The following TRPM4 variants were observed in gnomAD, a reference collection of about 807,000 sequenced individuals.
The protein encoded by TRPM4 is transient receptor potential cation channel subfamily M member 4.
In TRPM4, 124 loss-of-function variants were observed where a neutral mutation model predicts 135.6. The ratio of observed to expected loss-of-function variants is 0.91; its 90% confidence interval spans 0.79 to 1.06. The LOEUF is 1.06. TRPM4 is among the 50% of genes least tolerant of loss of function. The pLI is 0.00. For synonymous variants in TRPM4, 745 were observed against 705.6 expected (o/e 1.06, Z -0.88); for missense variants, 1,658 against 1,671.4 (o/e 0.99, Z 0.14).
At chr19:49,200,882 G>C (rs1968904820) in intron 19 of TRPM4, 97 bp downstream of exon 19, 2 of 1,343,938 alleles carry the variant, frequency 1.5e-6, no homozygotes, top group Non-Finnish European at 2.1e-6. Flanking sequence ...CTGTCTCTCT[G>C]AGTCTCTGTC....
At chr19:49,193,284 T>C (rs1030420054) in intron 16 of TRPM4, among the ~76,000 whole-genome samples, 12 of 152,116 alleles carry the variant, frequency 7.9e-5, no homozygotes, top group African/African-American at 2.9e-4. Flanking sequence ...GGTTTCCCCG[T>C]GTTAGCCAGG....
At position 49,196,433 on chromosome 19, in the gene TRPM4, C is replaced by G; in HGVS notation, c.2211-7C>G. ...GGCCTCCTCCCTTCTCTTCTCTTCCCCCACAGGACGGCGGACCCAGCCGAG... is the reference window on the plus strand; with the variant it reads ...GGCCTCCTCCCTTCTCTTCTCTTCCGCCACAGGACGGCGGACCCAGCCGAG... On this transcript the variant is annotated splice_region_variant and splice_polypyrimidine_tract_variant and intron_variant, in intron 16 of 24. Coordinates refer to ENST00000252826, the MANE Select transcript of TRPM4 (RefSeq NM_017636.4). The G allele has an allele frequency of 6.5e-7, 1 of 1,534,200 alleles. No individual in the cohort carries two copies. Among genetic ancestry groups the G allele is most frequent in the South Asian group, 1.2e-5 (1 of 81,062 alleles).
intron 9 of TRPM4, 55 bp downstream of exon 9, chr19:49,172,163 T>C: frequency 7.3e-7 from 1 of 1,367,714 alleles, no homozygotes; most frequent in Non-Finnish European, 1.0e-6. Context: ...TTAGACACCT[T>C]TCCTGGCCTG....
At chr19:49,194,906 G>T (rs1968572817) in intron 16 of TRPM4, among the ~76,000 whole-genome samples, 1 of 150,446 alleles carries the variant, frequency 6.6e-6, no homozygotes, top group African/African-American at 2.4e-5. Flanking sequence ...GGGACTGCAG[G>T]TATAAACACA....
chr19:49,210,700 G>A lies in TRPM4; in HGVS notation c.3329-10G>A, dbSNP rs764962434. The A allele has an allele frequency of 1.9e-6, 3 of 1,614,062 alleles. No individual in the cohort carries two copies. Among genetic ancestry groups the A allele is most frequent in the Non-Finnish European group, 2.5e-6 (3 of 1,180,020 alleles). Reference sequence around the variant, plus strand: ...TGGCCTGAGCCCTTTGACTCCGCCCGCCCCTGCAGGGGTTTACCTTTCTAA... The same window carrying A: ...TGGCCTGAGCCCTTTGACTCCGCCCACCCCTGCAGGGGTTTACCTTTCTAA... On this transcript the variant is annotated splice_polypyrimidine_tract_variant and intron_variant, in intron 21 of 24. Coordinates refer to ENST00000252826, the MANE Select transcript of TRPM4 (RefSeq NM_017636.4). This position sits in a 1 kb window ranked among gnomAD's most constrained non-coding sequence, Gnocchi z 4.1.
At chr19:49,176,830 G>A (rs976017266) in intron 9 of TRPM4, among the ~76,000 whole-genome samples, 1 of 152,118 alleles carries the variant, frequency 6.6e-6, no homozygotes, top group Non-Finnish European at 1.5e-5. Flanking sequence ...CAGCCTGGGC[G>A]ACAGAGCGAG....
chr19:49,166,016 T>C (rs1175791115), intron 2 of TRPM4, 25 bp from the exon 3 acceptor site: 30 of 1,569,854 alleles, frequency 1.9e-5, no homozygotes, highest in Non-Finnish European at 2.4e-5. Context: ...AGCCCTGGGT[T>C]CACGCTCCGC....
At chr19:49,202,610 A>G (rs1968976592) in intron 20 of TRPM4, among the ~76,000 whole-genome samples, 1 of 152,050 alleles carries the variant, frequency 6.6e-6, no homozygotes, top group African/African-American at 2.4e-5. Context: ...TCAGCCTCCC[A>G]AAGTGCTGGG....
intron 16 of TRPM4, among the ~76,000 whole-genome samples, chr19:49,195,452 C>A (rs986946138): frequency 1.3e-5 from 2 of 152,144 alleles, no homozygotes; most frequent in East Asian, 1.9e-4. Flanking sequence ...TTCACCACAA[C>A]CTCCGCCTCC....
In TRPM4 at chr19:49,211,004, T is replaced by C; in HGVS notation, c.3462-11T>C. ...TGCGGGTGCCCCCGGTAAGAGGCCCTCCCTTCTCAGGGTGGACTTGGCACT... is the reference window on the plus strand; with the variant it reads ...TGCGGGTGCCCCCGGTAAGAGGCCCCCCCTTCTCAGGGTGGACTTGGCACT... On this transcript the variant is annotated splice_polypyrimidine_tract_variant and intron_variant, in intron 22 of 24. Transcript: ENST00000252826. The surrounding 1 kb of genome is among the most constrained non-coding windows in gnomAD (Gnocchi z 4.8). 6.2e-7 allele frequency: 1 copy of C among 1,613,584 alleles called. No individual in the cohort carries two copies. Among genetic ancestry groups the C allele is most frequent in the South Asian group, 1.1e-5 (1 of 91,004 alleles).
chr19:49,206,844 G>A (rs191303036), intron 20 of TRPM4, among the ~76,000 whole-genome samples: 7 of 152,300 alleles, frequency 4.6e-5, no homozygotes, highest in African/African-American at 1.7e-4. Context: ...GCAGTATTTG[G>A]TAGTTTTCAG....
intron 3 of TRPM4, among the ~76,000 whole-genome samples, chr19:49,167,114 C>T (rs1157268555): frequency 5.6e-5 from 7 of 125,838 alleles, no homozygotes; most frequent in Admixed American, 3.0e-4. Flanking sequence ...CTCTGTCCCT[C>T]TCTCTCTGGG....
At position 49,158,377 on chromosome 19, in the gene TRPM4, G is replaced by T. The variant is rs1336428852; in HGVS notation, c.92+118G>T. The T allele has an allele frequency of 4.2e-6, 4 of 955,454 alleles. No homozygotes were observed. The Admixed American group carries it at 6.9e-5, about 17-fold the overall frequency. 59.2% of individuals were successfully genotyped at this position (955,454 alleles called of 1,614,324 possible). A position where few individuals can be genotyped will look rare whatever the true frequency, so the allele number is the denominator to read the frequency against. ...TTCCTGGACTCGGGGACCTTCCCAA[G>T]GGCGTTCCTTGCCGACGCTCTCCCT... On this transcript the variant is annotated intron_variant, in intron 2 of 24. Coordinates refer to ENST00000252826, the MANE Select transcript of TRPM4 (RefSeq NM_017636.4).
chr19:49,196,516 T>G lies in TRPM4; in HGVS notation c.2287T>G (p.Cys763Gly). Residue 763 changes from cysteine to glycine, a missense_variant, in exon 17 of 25, where the codon TGC becomes GGC. Transcript: ENST00000252826. ...SGRPGCCGGRCGGRRCLRRWF... is the reference protein window; with the variant it reads ...SGRPGCCGGRGGGRRCLRRWF... The stretch of plus-strand genomic sequence containing the variant: ...CCGTCCGGGTTGCTGCGGGGGCCGC[T>G]GCGGGGGGCGCCGGTGCCTACGCCG... 6.4e-7 allele frequency: 1 copy of G among 1,550,584 alleles called. No individual in the cohort carries two copies. The highest frequency in any genetic ancestry group is 8.7e-7 in the Non-Finnish European group (1 of 1,153,750).
chr19:49,196,601 T>G lies in TRPM4; in HGVS notation c.2372T>G (p.Leu791Arg). 1.3e-6 allele frequency: 2 copies of G among 1,555,946 alleles called. No individual in the cohort carries two copies. Among genetic ancestry groups the G allele is most frequent in the Non-Finnish European group, 1.7e-6 (2 of 1,153,082 alleles). Residue 791 changes from leucine to arginine, a missense_variant, in exon 17 of 25, where the codon CTG becomes CGG. Coordinates refer to ENST00000252826, the MANE Select transcript of TRPM4 (RefSeq NM_017636.4). ...TIFMGNVVSYLLFLLLFSRVL... is the reference protein window; with the variant it reads ...TIFMGNVVSYRLFLLLFSRVL... ...TTCATGGGCAACGTGGTCAGCTACC[T>G]GCTGTTCCTGCTGCTTTTCTCGCGG... is the stretch of plus-strand genomic sequence containing the variant.
intron 2 of TRPM4, among the ~76,000 whole-genome samples, chr19:49,163,894 AAGTC>A (rs1443158719): frequency 6.6e-6 from 1 of 152,190 alleles, no homozygotes; most frequent in Non-Finnish European, 1.5e-5. Context: ...TGAACGGACA[AAGTC>A]GGTAAACTGA....
chr19:49,174,471 C>T (rs543517480), intron 9 of TRPM4, among the ~76,000 whole-genome samples: 37 of 151,562 alleles, frequency 2.4e-4, no homozygotes, highest in East Asian at 4.0e-4. Flanking sequence ...GCATTTAAAC[C>T]GGACCTTGGC....
In TRPM4 at chr19:49,199,090, TAA is replaced by T. The variant is rs142522571; in HGVS notation, c.2646-1207_2646-1206del. On this transcript the variant is annotated intron_variant, in intron 17 of 24. Transcript: ENST00000252826. ...TCGACAATGCCTGATACTTTCACTC[TAA>T]AATGTAGCTCTCAATTTAACTGAAA... Among the ~76,000 whole-genome samples, 19 of 152,158 alleles carry T rather than the reference TAA, an allele frequency of 1.2e-4. No individual in the cohort carries two copies. The East Asian group carries it at 2.5e-3, about 20-fold the overall frequency.
intron 15 of TRPM4, 39 bp downstream of exon 15, chr19:49,190,359 G>C (rs1359455601): frequency 1.3e-6 from 2 of 1,578,006 alleles, no homozygotes; most frequent in Non-Finnish European, 1.7e-6. Flanking sequence ...GATGGGGGCG[G>C]GGTGCTCAGT....
Sources: allele counts gnomAD v4.1 joint callset (sites outside exome capture counted in the v4.1 genomes callset), GRCh38; gene constraint gnomAD v4.1.1; non-coding constraint Gnocchi (gnomAD v3.1); transcripts MANE v1.5; gene names NCBI Gene and HGNC (gene_info 2026-07-23, HGNC 2026-07-21).